The following VAV2 variants were observed in gnomAD, a reference collection of about 807,000 sequenced individuals.
VAV2 encodes vav guanine nucleotide exchange factor 2.
A neutral mutation model predicts 132.5 loss-of-function variants in VAV2; 67 were observed. That is an observed-to-expected ratio of 0.51 (90% CI 0.42 to 0.62). The LOEUF is 0.62. Among genes scored for constraint, VAV2 ranks in the 20% least tolerant of loss-of-function variants. The pLI is 0.00. For synonymous variants in VAV2, 492 were observed against 443.5 expected (o/e 1.11, Z -1.37); for missense variants, 938 against 1,153.6 (o/e 0.81, Z 2.71).
At chr9:133,955,943 G>A (rs1004840390) in intron 1 of VAV2, among the ~76,000 whole-genome samples, 1 of 150,372 alleles carries the variant, frequency 6.7e-6, no homozygotes, top group Non-Finnish European at 1.5e-5. Flanking sequence ...GGCCCCTGCT[G>A]GAGGCCCCCG....
intron 1 of VAV2, among the ~76,000 whole-genome samples, chr9:133,980,612 CTCA>C (rs1842662824): frequency 6.6e-6 from 1 of 152,186 alleles, no homozygotes; most frequent in Non-Finnish European, 1.5e-5. Context: ...GGGTCTCAGA[CTCA>C]TCATCTGCTG....
rs147590370 is a variant in VAV2, at chr9:133,954,649, C to CG, written c.205-15431dup. 3.2e-3 allele frequency among the ~76,000 whole-genome samples: 493 copies of CG among 152,330 alleles called. 3 individuals are homozygous for CG. Among genetic ancestry groups the CG allele is most frequent in the Middle Eastern group, 0.02 (6 of 294 alleles). On this transcript the variant is annotated intron_variant, in intron 1 of 29. Transcript: ENST00000371850. Reference sequence around the variant, plus strand: ...GCGGGCGGGGGATGCTGCTGATGCTCGAGCAGGGCAAGGTCTGTGATGTGT... The same window carrying CG: ...GCGGGCGGGGGATGCTGCTGATGCTCGGAGCAGGGCAAGGTCTGTGATGTGT...
At chr9:133,910,001 G>C (rs1287146525) in intron 2 of VAV2, among the ~76,000 whole-genome samples, 1 of 151,974 alleles carries the variant, frequency 6.6e-6, no homozygotes, top group Non-Finnish European at 1.5e-5. Flanking sequence ...AGCCCCCCAC[G>C]AGCCACACGA....
At chr9:133,903,159 C>T (rs912773609) in intron 2 of VAV2, among the ~76,000 whole-genome samples, 66 of 151,784 alleles carry the variant, frequency 4.3e-4, no homozygotes, top group Admixed American at 2.6e-4. Flanking sequence ...AAAGAGAAGA[C>T]GCCGTCTGCA....
At chr9:133,778,625 C>T (rs1310451674) in intron 22 of VAV2, 137 bp downstream of exon 22, 8 of 1,348,230 alleles carry the variant, frequency 5.9e-6, no homozygotes, top group African/African-American at 2.9e-5. Context: ...GCTAGGCCCC[C>T]TGTGCCTCCT....
intron 2 of VAV2, among the ~76,000 whole-genome samples, chr9:133,927,187 C>A (rs1025073553): frequency 2.0e-5 from 3 of 152,306 alleles, no homozygotes; most frequent in Admixed American, 2.0e-4. Flanking sequence ...GGACACGAAA[C>A]CTGAGACCAG....
At chr9:133,985,068 C>A (rs914320261) in intron 1 of VAV2, among the ~76,000 whole-genome samples, 1 of 151,984 alleles carries the variant, frequency 6.6e-6, no homozygotes. Context: ...AAAACAAATA[C>A]CCATGTCAAC....
rs79459238 is a variant in VAV2 at position 133,821,620 on chromosome 9, T to C, written c.450-9404A>G. Among the ~76,000 whole-genome samples, 1,336 of 152,236 alleles carry C rather than the reference T, an allele frequency of 8.8e-3. 19 individuals carry two copies. Among genetic ancestry groups the C allele is most frequent in the African/African-American group, 0.03 (1,252 of 41,532 alleles). ...TAGCACAGGGGCCGGTCTCAACACA[T>C]AGTGTGGTCAGCATTAAAAATGACA... is the stretch of plus-strand genomic sequence containing the variant. On this transcript the variant is annotated intron_variant, in intron 4 of 29. Coordinates refer to ENST00000371850, the MANE Select transcript of VAV2 (RefSeq NM_001134398.2).
intron 3 of VAV2, among the ~76,000 whole-genome samples, chr9:133,848,671 G>T (rs1445919023): frequency 1.3e-5 from 2 of 152,132 alleles, no homozygotes; most frequent in African/African-American, 2.4e-5. Flanking sequence ...CGGGCCCCTG[G>T]GAACATGCCT....
At chr9:133,978,402 C>A (rs1189673155) in intron 1 of VAV2, among the ~76,000 whole-genome samples, 2 of 152,252 alleles carry the variant, frequency 1.3e-5, no homozygotes, top group East Asian at 3.8e-4. Context: ...TCAAAGAACA[C>A]AGGGCTGGGA....
intron 1 of VAV2, among the ~76,000 whole-genome samples, chr9:133,973,287 C>CT: frequency 6.6e-6 from 1 of 152,348 alleles, no homozygotes; most frequent in East Asian, 1.9e-4. Flanking sequence ...CACACCCACT[C>CT]TGCACAGGAA....
At chr9:133,987,291 GAGAGA>G (rs71918288) in intron 1 of VAV2, among the ~76,000 whole-genome samples, 4,836 of 152,318 alleles carry the variant, frequency 0.032, 106 homozygotes, top group Non-Finnish European at 0.048. Context: ...CACGAGGCCA[GAGAGA>G]AACCTGGAAC....
chr9:133,808,053 C>T (rs944100212), intron 7 of VAV2, among the ~76,000 whole-genome samples: 4 of 115,598 alleles, frequency 3.5e-5, no homozygotes, highest in African/African-American at 5.6e-5. Flanking sequence ...CGGGTGGCGG[C>T]CCCAGGCTGG....
intron 2 of VAV2, among the ~76,000 whole-genome samples, chr9:133,921,657 C>T (rs2132077861): frequency 6.6e-6 from 1 of 152,244 alleles, no homozygotes; most frequent in African/African-American, 2.4e-5. Flanking sequence ...GGTTAATATC[C>T]ACAATATGTA....
intron 2 of VAV2, among the ~76,000 whole-genome samples, chr9:133,909,529 C>T (rs550608996): frequency 5.8e-4 from 88 of 152,304 alleles, no homozygotes; most frequent in Non-Finnish European, 1.1e-3. Context: ...CAGAACAGCG[C>T]CTAGCACAAA....
In VAV2 at chr9:133,817,710, G is replaced by A. The variant is rs182531330; in HGVS notation, c.450-5494C>T. Among the ~76,000 whole-genome samples the A allele has an allele frequency of 9.2e-5, 14 of 152,328 alleles. No individual in the cohort carries two copies. In the East Asian group the frequency reaches 2.5e-3, roughly 27 times the overall value. ...CCGTGTGCAACTTTTTAATCAAGCT[G>A]ATCCAGCGAGTAGAGTGTTCATTTC... On this transcript the variant is annotated intron_variant, in intron 4 of 29. Transcript: ENST00000371850.
At chr9:133,906,314 C>G (rs939331328) in intron 2 of VAV2, among the ~76,000 whole-genome samples, 1 of 152,232 alleles carries the variant, frequency 6.6e-6, no homozygotes, top group African/African-American at 2.4e-5. Flanking sequence ...TTAAACGCAG[C>G]CACATCTCCC....
chr9:133,847,733 T>C (rs893854892), intron 3 of VAV2, among the ~76,000 whole-genome samples: 7 of 152,064 alleles, frequency 4.6e-5, no homozygotes, highest in African/African-American at 7.2e-5. Flanking sequence ...CTCTGCAAAA[T>C]GGGGGCGAAA....
intron 4 of VAV2, among the ~76,000 whole-genome samples, chr9:133,825,348 G>A (rs1247034997): frequency 1.3e-5 from 2 of 152,164 alleles, no homozygotes; most frequent in Non-Finnish European, 2.9e-5. Context: ...CACCTCCTCT[G>A]GGGAAGGGGG....
Sources: allele counts gnomAD v4.1 joint callset (sites outside exome capture counted in the v4.1 genomes callset), GRCh38; gene constraint gnomAD v4.1.1; transcripts MANE v1.5; gene names NCBI Gene and HGNC (gene_info 2026-07-23, HGNC 2026-07-21).